The following KIAA1328 variants were observed in gnomAD, a reference collection of about 807,000 sequenced individuals.
The protein encoded by KIAA1328 is KIAA1328.
Under a neutral mutation model 68.1 loss-of-function variants are expected in KIAA1328, and 52 were observed. That is an observed-to-expected ratio of 0.76 (90% CI 0.61 to 0.96). The LOEUF (loss-of-function observed/expected upper bound fraction) is 0.96, where lower values mean the gene tolerates loss of function less well. Ranked by LOEUF, KIAA1328 falls within the 40% of genes least tolerant of loss-of-function variation. The probability of loss-of-function intolerance (pLI) is 0.00; values close to 1 mark genes in which losing one functional copy is unlikely to be tolerated. For synonymous variants in KIAA1328, 232 were observed against 239.4 expected (o/e 0.97, Z 0.28); for missense variants, 641 against 677.6 (o/e 0.95, Z 0.60).
intron 9 of KIAA1328, among the ~76,000 whole-genome samples, chr18:37,208,723 C>G (rs1470079758): frequency 1.3e-5 from 2 of 152,054 alleles, no homozygotes; most frequent in Non-Finnish European, 2.9e-5. Context: ...AAGCATTGAC[C>G]TGAAGAAAGA....
intron 7 of KIAA1328, among the ~76,000 whole-genome samples, chr18:37,139,967 C>T: frequency 6.6e-6 from 1 of 152,154 alleles, no homozygotes; most frequent in Non-Finnish European, 1.5e-5. Context: ...TTCATGCATA[C>T]TAAAACCTAG....
At chr18:36,869,858 GAA>G (rs1013169115) in intron 4 of KIAA1328, among the ~76,000 whole-genome samples, 1 of 152,020 alleles carries the variant, frequency 6.6e-6, no homozygotes, top group Non-Finnish European at 1.5e-5. Flanking sequence ...CTTTATAATT[GAA>G]AGTGTTTATT....
chr18:37,092,190 G>A (rs940020980), intron 7 of KIAA1328, among the ~76,000 whole-genome samples: 6 of 151,994 alleles, frequency 3.9e-5, no homozygotes, highest in Non-Finnish European at 7.4e-5. Flanking sequence ...GGGGCCCGGG[G>A]ATTAATTCAC....
chr18:37,019,255 C>T (rs1161569754), intron 6 of KIAA1328, among the ~76,000 whole-genome samples: 2 of 151,736 alleles, frequency 1.3e-5, no homozygotes, highest in Admixed American at 6.6e-5. Flanking sequence ...CTTCTTTTGG[C>T]AGGTTTTATA....
At chr18:36,968,492 T>G (rs1458201945) in intron 6 of KIAA1328, among the ~76,000 whole-genome samples, 1 of 151,982 alleles carries the variant, frequency 6.6e-6, no homozygotes, top group Non-Finnish European at 1.5e-5. Context: ...AAACAGACTT[T>G]AAACATCTTG....
At chr18:37,024,790 C>G (rs535485722) in intron 6 of KIAA1328, among the ~76,000 whole-genome samples, 54 of 152,112 alleles carry the variant, frequency 3.6e-4, no homozygotes, top group Non-Finnish European at 7.1e-4. Flanking sequence ...TTGGACATTT[C>G]GGTTGGTTCC....
At chr18:37,076,809 C>A (rs1599174945) in intron 7 of KIAA1328, among the ~76,000 whole-genome samples, 1 of 151,750 alleles carries the variant, frequency 6.6e-6, no homozygotes, top group Non-Finnish European at 1.5e-5. Flanking sequence ...CTGAATAGAC[C>A]AATAACAGGA....
chr18:37,136,142 G>C (rs1221991173), intron 7 of KIAA1328, among the ~76,000 whole-genome samples: 1 of 152,168 alleles, frequency 6.6e-6, no homozygotes, highest in Non-Finnish European at 1.5e-5. Context: ...CTGCTTTTGA[G>C]ATAGACACGT....
intron 7 of KIAA1328, among the ~76,000 whole-genome samples, chr18:37,145,783 G>A (rs978200080): frequency 6.6e-6 from 1 of 151,962 alleles, no homozygotes; most frequent in Non-Finnish European, 1.5e-5. Flanking sequence ...CCTTTCATGT[G>A]TACTGTTTTC....
chr18:37,139,909 A>C (rs530523189), intron 7 of KIAA1328, among the ~76,000 whole-genome samples: 1 of 152,302 alleles, frequency 6.6e-6, no homozygotes, highest in Non-Finnish European at 1.5e-5. Context: ...ATCAGAGCTC[A>C]TTTTACTGAG....
intron 7 of KIAA1328, among the ~76,000 whole-genome samples, chr18:37,129,432 G>A (rs969494614): frequency 1.3e-5 from 2 of 152,030 alleles, no homozygotes; most frequent in Non-Finnish European, 1.5e-5. Context: ...TACATGATAA[G>A]CAAAAAGTCA....
intron 9 of KIAA1328, among the ~76,000 whole-genome samples, chr18:37,210,321 G>A (rs1321838776): frequency 1.3e-5 from 2 of 152,152 alleles, no homozygotes; most frequent in Non-Finnish European, 2.9e-5. Flanking sequence ...TAGGAAGACA[G>A]AATTAATGCC....
intron 4 of KIAA1328, among the ~76,000 whole-genome samples, chr18:36,861,066 TG>T (rs2047550494): frequency 6.6e-6 from 1 of 152,186 alleles, no homozygotes; most frequent in Admixed American, 6.5e-5. Context: ...AGTGTTTTTT[TG>T]TAAACAAATA....
At chr18:37,125,859 A>G (rs1242526119) in intron 7 of KIAA1328, among the ~76,000 whole-genome samples, 1 of 152,218 alleles carries the variant, frequency 6.6e-6, no homozygotes, top group Non-Finnish European at 1.5e-5. Flanking sequence ...GCTATTGTTG[A>G]ACAGTTGGTA....
At chr18:36,963,740 C>T (rs905842258) in intron 6 of KIAA1328, among the ~76,000 whole-genome samples, 3 of 152,174 alleles carry the variant, frequency 2.0e-5, no homozygotes, top group African/African-American at 7.2e-5. Context: ...TGCAGATAGA[C>T]TGTGCCCATC....
intron 5 of KIAA1328, among the ~76,000 whole-genome samples, chr18:36,889,312 A>C (rs1176232069): frequency 1.3e-5 from 2 of 152,258 alleles, no homozygotes; most frequent in African/African-American, 2.4e-5. Context: ...AATATGTACA[A>C]TAACAATAAT....
intron 6 of KIAA1328, among the ~76,000 whole-genome samples, chr18:36,980,364 T>C (rs904445493): frequency 6.6e-6 from 1 of 152,058 alleles, no homozygotes; most frequent in African/African-American, 2.4e-5. Context: ...ACAGATATAC[T>C]GGTGGGGCTG....
At chr18:36,858,821 A>C (rs1298401844) in intron 4 of KIAA1328, among the ~76,000 whole-genome samples, 7 of 152,242 alleles carry the variant, frequency 4.6e-5, no homozygotes. Flanking sequence ...CATCATCAGC[A>C]TATGATACCA....
chr18:37,033,671 C>G (rs1411407685), intron 6 of KIAA1328, among the ~76,000 whole-genome samples: 1 of 152,160 alleles, frequency 6.6e-6, no homozygotes, highest in Admixed American at 6.6e-5. Context: ...TAGCAAAACT[C>G]AAGAAGGCTT....
Sources: allele counts gnomAD v4.1 joint callset (sites outside exome capture counted in the v4.1 genomes callset), GRCh38; gene constraint gnomAD v4.1.1; transcripts MANE v1.5; gene names NCBI Gene and HGNC (gene_info 2026-07-23, HGNC 2026-07-21).